KCNAB1: variants seen among roughly 807,000 people sequenced by gnomAD.
KCNAB1 encodes the protein voltage-gated potassium channel subunit beta-1.
Under a neutral mutation model 64.6 loss-of-function variants are expected in KCNAB1, and 35 were observed. The observed-to-expected ratio is 0.54, with a 90% CI of 0.41 to 0.72. The LOEUF (loss-of-function observed/expected upper bound fraction) is 0.72. Ranked by LOEUF, KCNAB1 falls within the 30% of genes least tolerant of loss-of-function variation. The probability of loss-of-function intolerance (pLI) is 0.00; values close to 1 mark genes in which losing one functional copy is unlikely to be tolerated. For missense variants in KCNAB1, 401 were observed against 512.9 expected, an observed-to-expected ratio of 0.78 and a Z score of 2.11; for synonymous variants, 177 against 183.8, an observed-to-expected ratio of 0.96 and a Z score of 0.30.
chr3:156,294,846 T>G (rs988252399), intron 1 of KCNAB1, among the ~76,000 whole-genome samples: 1 of 152,204 alleles, frequency 6.6e-6, no homozygotes, highest in African/African-American at 2.4e-5. Flanking sequence ...AGGAAAGGGT[T>G]TATAGCTTTC....
At chr3:156,320,313 A>C (rs74806033) in intron 1 of KCNAB1, among the ~76,000 whole-genome samples, 4,760 of 152,338 alleles carry the variant, frequency 0.031, 263 homozygotes, top group African/African-American at 0.11. Flanking sequence ...ACAAAGGCTT[A>C]CTTGTTTCTG....
chr3:156,483,121 C>T (rs1714950772), intron 8 of KCNAB1, among the ~76,000 whole-genome samples: 1 of 152,128 alleles, frequency 6.6e-6, no homozygotes, highest in Non-Finnish European at 1.5e-5. Flanking sequence ...CCTGTTCTCT[C>T]TATCTACCAC....
At chr3:156,154,092 C>T (rs551236312) in intron 1 of KCNAB1, among the ~76,000 whole-genome samples, 10 of 152,310 alleles carry the variant, frequency 6.6e-5, no homozygotes, top group Middle Eastern at 3.4e-3. Flanking sequence ...CATAGTGGGG[C>T]CTTGAGTTAC....
chr3:156,119,226 AG>A (rs1713214468), upstream of KCNAB1, among the ~76,000 whole-genome samples: 1 of 152,210 alleles, frequency 6.6e-6, no homozygotes, highest in Admixed American at 6.5e-5. Flanking sequence ...GGCAAGTGAA[AG>A]GGGGCAAGGC....
intron 1 of KCNAB1, among the ~76,000 whole-genome samples, chr3:156,285,541 A>C (rs1205143000): frequency 6.6e-6 from 1 of 152,052 alleles, no homozygotes; most frequent in Admixed American, 6.6e-5. Flanking sequence ...TCACTTTGTC[A>C]CTAGGTTGAG....
chr3:156,339,599 CA>C (rs1471649320), intron 1 of KCNAB1, among the ~76,000 whole-genome samples: 3 of 152,188 alleles, frequency 2.0e-5, no homozygotes, highest in African/African-American at 7.2e-5. Context: ...TCAATCCATG[CA>C]AAAGGCCAGC....
chr3:156,160,859 A>G (rs578251908), intron 1 of KCNAB1, among the ~76,000 whole-genome samples: 31 of 152,334 alleles, frequency 2.0e-4, no homozygotes, highest in Non-Finnish European at 2.6e-4. Flanking sequence ...GAAAATGCTC[A>G]TTGATCTAAT....
intron 1 of KCNAB1, chr3:156,290,863 T>C: frequency 3.0e-6 from 2 of 670,940 alleles, no homozygotes; most frequent in Non-Finnish European, 3.7e-6. Flanking sequence ...CACTGTGGCA[T>C]CTCAGGAAAC....
chr3:156,328,636 C>A (rs1358936009), intron 1 of KCNAB1, among the ~76,000 whole-genome samples: 1 of 152,172 alleles, frequency 6.6e-6, no homozygotes, highest in Admixed American at 6.5e-5. Context: ...CTCATTGTTG[C>A]AGCTTGTCTG....
chr3:156,422,247 T>A (rs554860646), intron 2 of KCNAB1, among the ~76,000 whole-genome samples: 1 of 152,320 alleles, frequency 6.6e-6, no homozygotes, highest in African/African-American at 2.4e-5. Context: ...GAATCTGAAG[T>A]CGTGGAATCT....
intron 1 of KCNAB1, among the ~76,000 whole-genome samples, chr3:156,147,326 A>T (rs1266861966): frequency 6.6e-6 from 1 of 152,200 alleles, no homozygotes; most frequent in Non-Finnish European, 1.5e-5. Flanking sequence ...GTAAGGAATA[A>T]TATCCTTGCA....
chr3:156,359,833 A>G (rs1725487215), intron 1 of KCNAB1, among the ~76,000 whole-genome samples: 1 of 152,240 alleles, frequency 6.6e-6, no homozygotes, highest in Admixed American at 6.5e-5. Context: ...TCAGAGTTCC[A>G]GAAAAGTGGA....
At chr3:156,456,917 C>G (rs565468313) in intron 3 of KCNAB1, 1 of 153,676 alleles carries the variant, frequency 6.5e-6, no homozygotes, top group African/African-American at 2.4e-5. Context: ...CACGCTGCCG[C>G]CTCTCTGTGT....
chr3:156,484,042 T>C (rs955011497), intron 8 of KCNAB1, among the ~76,000 whole-genome samples: 2 of 152,144 alleles, frequency 1.3e-5, no homozygotes, highest in Non-Finnish European at 2.9e-5. Context: ...TGGAAATCAG[T>C]GATTCCCAAC....
rs181850501 is a variant in KCNAB1 at position 156,151,986 on chromosome 3, C to T, written c.275+31100C>T. ...GAAAGACTATGACTAATTGCAAGTC[C>T]GCCTTGGGTTGGGAGGTGGCGCTGT... On this transcript the variant is annotated intron_variant, in intron 1 of 13. Coordinates refer to ENST00000490337, the MANE Select transcript of KCNAB1 (RefSeq NM_172160.3). 1.8e-3 allele frequency among the ~76,000 whole-genome samples: 268 copies of T among 152,242 alleles called. 2 individuals are homozygous for T. Among genetic ancestry groups the T allele is most frequent in the Non-Finnish European group, 1.4e-3 (97 of 68,016 alleles).
chr3:156,538,894 C>T (rs1323686651), downstream of KCNAB1: 1 of 152,206 alleles, frequency 6.6e-6, no homozygotes, highest in African/African-American at 2.4e-5. Context: ...AAGGTTAAGG[C>T]TTCACAAATT....
At chr3:156,414,329 T>A (rs1264731740) in intron 1 of KCNAB1, among the ~76,000 whole-genome samples, 1 of 152,208 alleles carries the variant, frequency 6.6e-6, no homozygotes, top group Non-Finnish European at 1.5e-5. Flanking sequence ...ATACACAGGA[T>A]CCCAGTTAAT....
chr3:156,329,243 C>A (rs1290664786), intron 1 of KCNAB1, among the ~76,000 whole-genome samples: 1 of 152,076 alleles, frequency 6.6e-6, no homozygotes, highest in Non-Finnish European at 1.5e-5. Context: ...GAATTTGTCC[C>A]CATCTTCCCC....
chr3:156,221,110 G>T (rs974370442), intron 1 of KCNAB1, among the ~76,000 whole-genome samples: 8 of 152,244 alleles, frequency 5.3e-5, no homozygotes, highest in Middle Eastern at 3.4e-3. Context: ...TGCTGTTTTG[G>T]TTACTGTAGC....
Sources: allele counts gnomAD v4.1 joint callset (sites outside exome capture counted in the v4.1 genomes callset), GRCh38; gene constraint gnomAD v4.1.1; transcripts MANE v1.5; gene names NCBI Gene and HGNC (gene_info 2026-07-23, HGNC 2026-07-21).